Variants in MMP26 observed in about 807,000 individuals in gnomAD.
The protein encoded by MMP26 is matrix metallopeptidase 26, also known as matrix metalloproteinase-26.
A neutral mutation model predicts 31.0 loss-of-function variants in MMP26; 33 were observed. That is an observed-to-expected ratio of 1.06 (90% CI 0.81 to 1.42). MMP26 has a LOEUF of 1.42. Among genes scored for constraint, MMP26 ranks in the 40% most tolerant of loss-of-function variants. The pLI is 0.00. For synonymous variants in MMP26, 122 were observed against 114.9 expected (o/e 1.06, Z -0.40); for missense variants, 347 against 316.1 (o/e 1.10, Z -0.74).
At chr11:4,787,300 C>T (rs1018967454) in intron 2 of MMP26, 1 of 152,312 alleles carries the variant, frequency 6.6e-6, no homozygotes, top group Non-Finnish European at 1.5e-5. Flanking sequence ...TTACTGCTTC[C>T]ACCCTGATGC....
At chr11:4,958,545 T>A (rs571780124) in intron 2 of MMP26, among the ~76,000 whole-genome samples, 34 of 152,308 alleles carry the variant, frequency 2.2e-4, no homozygotes, top group Admixed American at 1.2e-3. Context: ...TGTCTATCTA[T>A]CTATCATGTC....
chr11:4,738,612 G>A (rs925388265), intron 1 of MMP26, among the ~76,000 whole-genome samples: 3 of 152,102 alleles, frequency 2.0e-5, no homozygotes, highest in Non-Finnish European at 4.4e-5. Context: ...ATGTAAAAAA[G>A]AATTTGGCTT....
chr11:4,909,594 A>T (rs1404658611), intron 2 of MMP26: 2 of 152,172 alleles, frequency 1.3e-5, no homozygotes. Flanking sequence ...TACATATTTT[A>T]AACAAAGTTT....
intron 2 of MMP26, among the ~76,000 whole-genome samples, 193 bp downstream of exon 2, chr11:4,767,534 G>T (rs1437413509): frequency 6.6e-6 from 1 of 152,060 alleles, no homozygotes; most frequent in South Asian, 2.1e-4. Flanking sequence ...GTCACTGTGT[G>T]CTGATAAACT....
chr11:4,730,691 A>C (rs557305236), intron 1 of MMP26, among the ~76,000 whole-genome samples: 9 of 152,306 alleles, frequency 5.9e-5, no homozygotes, highest in African/African-American at 2.2e-4. Flanking sequence ...GCAGTAAGAC[A>C]TCCCTTAGAG....
At chr11:4,952,525 C>T (rs1205731526) in intron 2 of MMP26, among the ~76,000 whole-genome samples, 1 of 125,398 alleles carries the variant, frequency 8.0e-6, no homozygotes, top group African/African-American at 2.7e-5. Flanking sequence ...AGTTCTTGCC[C>T]TGATCTGATA....
At chr11:4,906,687 TG>T (rs1850894770) in intron 2 of MMP26, among the ~76,000 whole-genome samples, 1 of 152,168 alleles carries the variant, frequency 6.6e-6, no homozygotes, top group African/African-American at 2.4e-5. Flanking sequence ...AAAGCCAACG[TG>T]GGTACTGCTG....
chr11:4,858,231 T>G (rs867221605), intron 2 of MMP26, among the ~76,000 whole-genome samples: 1 of 152,026 alleles, frequency 6.6e-6, no homozygotes, highest in Non-Finnish European at 1.5e-5. Flanking sequence ...GCCAGGGCAA[T>G]CAAGCAGGAG....
chr11:4,867,478 C>T lies in MMP26; in HGVS notation c.-145+100137C>T, dbSNP rs1850252726. ...CAATCTGGGCTCACTGCAACCTCCA[C>T]CTCCCAGGTTCAAGCAATTCTCCTG... On this transcript the variant is annotated intron_variant, in intron 2 of 7. Transcript: ENST00000380390. 2.7e-5 allele frequency among the ~76,000 whole-genome samples: 4 copies of T among 150,268 alleles called. No homozygotes were observed. In the Admixed American group the frequency reaches 2.7e-4, roughly 10 times the overall value.
intron 2 of MMP26, among the ~76,000 whole-genome samples, chr11:4,820,813 G>A (rs116634856): frequency 1.6e-3 from 250 of 152,246 alleles, no homozygotes; most frequent in African/African-American, 5.5e-3. Context: ...GTTGGTGTAT[G>A]GATGAAATTA....
chr11:4,986,905 T>TTCTCTCTCTCTCTCTCTCTC (rs71050445), intron 2 of MMP26, among the ~76,000 whole-genome samples: 4 of 48,670 alleles, frequency 8.2e-5, no homozygotes, highest in African/African-American at 2.5e-4. Context: ...CTTCCTTCCT[T>TTCTCTCTCTCTCTCTCTCTC]TCTCTCTCTC....
intron 2 of MMP26, among the ~76,000 whole-genome samples, chr11:4,808,066 G>A (rs1030626202): frequency 3.3e-5 from 5 of 152,034 alleles, no homozygotes; most frequent in Non-Finnish European, 5.9e-5. Flanking sequence ...TTGGCCTCCC[G>A]AAGTGCTGGA....
chr11:4,748,749 C>T (rs924608329), intron 1 of MMP26, among the ~76,000 whole-genome samples: 4 of 151,494 alleles, frequency 2.6e-5, no homozygotes, highest in African/African-American at 7.3e-5. Flanking sequence ...AGCATGAGTT[C>T]GTGAAAAAAA....
rs568924476 is a variant in MMP26, at chr11:4,816,115, T to A, written c.-145+48774T>A. On this transcript the variant is annotated intron_variant, in intron 2 of 7. Coordinates refer to ENST00000380390, the MANE Select transcript of MMP26 (RefSeq NM_021801.5). ...ATAAATTGTTTAATTTCTCTGTTGATTTTTTATCAACCTGTTGGTTGTTCA... is the reference window on the plus strand; with the variant it reads ...ATAAATTGTTTAATTTCTCTGTTGAATTTTTATCAACCTGTTGGTTGTTCA... 7.2e-5 allele frequency among the ~76,000 whole-genome samples: 11 copies of A among 152,280 alleles called. No homozygotes were observed. The South Asian group carries it at 2.1e-3, about 29-fold the overall frequency.
At chr11:4,915,295 C>T in intron 2 of MMP26, 2 of 1,613,894 alleles carry the variant, frequency 1.2e-6, no homozygotes, top group Non-Finnish European at 1.7e-6. Context: ...GGTCAAAGGC[C>T]ATAGACAGTA....
At chr11:4,821,195 G>A in intron 2 of MMP26, 1 of 554,270 alleles carries the variant, frequency 1.8e-6, no homozygotes, top group Non-Finnish European at 3.2e-6. Flanking sequence ...AAAATTTGAT[G>A]TGGCACAGTT....
chr11:4,958,034 G>A (rs1846467721), intron 2 of MMP26, among the ~76,000 whole-genome samples: 1 of 152,130 alleles, frequency 6.6e-6, no homozygotes, highest in Non-Finnish European at 1.5e-5. Context: ...TCCAAGGCCA[G>A]AATTCACTCC....
intron 2 of MMP26, among the ~76,000 whole-genome samples, chr11:4,925,843 T>C (rs1851264845): frequency 6.6e-6 from 1 of 151,972 alleles, no homozygotes; most frequent in Admixed American, 6.6e-5. Context: ...TTACTTACAA[T>C]GGCTAAGTCA....
intron 5 of MMP26, among the ~76,000 whole-genome samples, chr11:4,991,163 G>A (rs1163997055): frequency 1.3e-5 from 2 of 152,132 alleles, no homozygotes; most frequent in African/African-American, 4.8e-5. Flanking sequence ...TCTGCCATCT[G>A]TCTGTCTTTC....
Sources: gnomAD v4.1 joint callset for allele counts (sites outside exome capture counted in the v4.1 genomes callset) on GRCh38, gnomAD v4.1.1 for gene constraint, MANE v1.5 for transcripts, NCBI Gene and HGNC (gene_info 2026-07-23, HGNC 2026-07-21) for gene names.